CIAPIN1: variants seen among roughly 807,000 people sequenced by gnomAD.
CIAPIN1 encodes cytokine induced apoptosis inhibitor 1, also known as anamorsin.
A neutral mutation model predicts 34.3 loss-of-function variants in CIAPIN1; 18 were observed. The observed-to-expected ratio is 0.52, with a 90% CI of 0.36 to 0.78. The LOEUF is 0.78. Ranked by LOEUF, CIAPIN1 falls within the 30% of genes least tolerant of loss-of-function variation. The pLI is 0.00. For missense variants in CIAPIN1, 310 were observed against 372.5 expected (o/e 0.83, Z 1.38); for synonymous variants, 131 against 140.4 (o/e 0.93, Z 0.47).
intron 1 of CIAPIN1, among the ~76,000 whole-genome samples, chr16:57,442,382 T>C (rs1434975889): frequency 6.6e-6 from 1 of 152,006 alleles, no homozygotes; most frequent in Non-Finnish European, 1.5e-5. Flanking sequence ...AAATTATAGC[T>C]GGGCGTGGTG....
At position 57,429,784 on chromosome 16, in the gene CIAPIN1, A is replaced by G. The variant is rs375319795; in HGVS notation, c.828+474T>C. Among the ~76,000 whole-genome samples, 513 of 140,926 alleles carry G rather than the reference A, an allele frequency of 3.6e-3. 4 individuals carry two copies. Among genetic ancestry groups the G allele is most frequent in the East Asian group, 0.013 (62 of 4,904 alleles). 92.5% of individuals were successfully genotyped at this position (140,926 alleles called of 152,430 possible). A position where few individuals can be genotyped will look rare whatever the true frequency, so the allele number is the denominator to read the frequency against. ...TGGGATTACAGGCGTGAGCCACCGCACCCGGCCTTTTTTTTTTTTTGAGAT... is the reference window on the plus strand; with the variant it reads ...TGGGATTACAGGCGTGAGCCACCGCGCCCGGCCTTTTTTTTTTTTTGAGAT... On this transcript the variant is annotated intron_variant, in intron 8 of 8. Transcript: ENST00000394391.
At chr16:57,439,146 C>G (rs1365008152) in intron 3 of CIAPIN1, 36 bp downstream of exon 3, 1 of 1,610,430 alleles carries the variant, frequency 6.2e-7, no homozygotes, top group South Asian at 1.1e-5. Context: ...AGACTCAACC[C>G]TGTCAAACAT....
intron 8 of CIAPIN1, among the ~76,000 whole-genome samples, chr16:57,429,959 T>C (rs1451227106): frequency 6.6e-6 from 1 of 152,140 alleles, no homozygotes; most frequent in Non-Finnish European, 1.5e-5. Flanking sequence ...TTCTATATTC[T>C]ATGCAGTTCA....
chr16:57,431,260 T>A lies in CIAPIN1; in HGVS notation c.637A>T (p.Ile213Phe). ...NDMEDDSMDLIDSDELLDPED... is the reference protein window; with the variant it reads ...NDMEDDSMDLFDSDELLDPED... ...GGATCCAGCAGCTCATCTGAGTCAA[T>A]GAGATCCTGGAGAGTGTTCAAAGCA... Residue 213 changes from isoleucine to phenylalanine, a missense_variant, in exon 7 of 9, where the codon ATT becomes TTT. Ile to Phe is a conservative substitution (Grantham distance 21, BLOSUM62 0). Coordinates refer to ENST00000394391, the MANE Select transcript of CIAPIN1 (RefSeq NM_020313.4). 1 of 1,604,692 alleles carries A rather than the reference T, an allele frequency of 6.2e-7. No individual in the cohort carries two copies. The highest frequency in any genetic ancestry group is 8.5e-7 in the Non-Finnish European group (1 of 1,171,750).
chr16:57,432,422 A>G (rs1903108064), intron 6 of CIAPIN1, 65 bp downstream of exon 6: 1 of 1,407,938 alleles, frequency 7.1e-7, no homozygotes, highest in Non-Finnish European at 1.0e-6. Context: ...AAAGGTCACT[A>G]TAGCTGTTCA....
intron 1 of CIAPIN1, among the ~76,000 whole-genome samples, chr16:57,442,407 T>A (rs1380903713): frequency 6.6e-6 from 1 of 151,654 alleles, no homozygotes; most frequent in African/African-American, 2.4e-5. Flanking sequence ...ATGCCTATTA[T>A]CCCAGCACCT....
intron 3 of CIAPIN1, among the ~76,000 whole-genome samples, chr16:57,438,899 G>GC (rs1245530995): frequency 6.6e-6 from 1 of 152,084 alleles, no homozygotes; most frequent in African/African-American, 2.4e-5. Context: ...TTTTATTGCT[G>GC]CATCACTTTC....
intron 1 of CIAPIN1, among the ~76,000 whole-genome samples, chr16:57,444,777 T>C (rs1433918258): frequency 6.6e-6 from 1 of 152,256 alleles, no homozygotes; most frequent in East Asian, 1.9e-4. Context: ...ATACTTTTCA[T>C]CATCAGAATT....
At position 57,428,261 on chromosome 16, in the gene CIAPIN1, A is replaced by G. The variant is rs1902998596; in HGVS notation, c.*909T>C. ...TTAAATCCACACAATCTCTCCAAAT[A>G]TTTGGCAAGATTGATTCCAAGTCCA... is the stretch of plus-strand genomic sequence containing the variant. On this transcript the variant is annotated 3_prime_UTR_variant, in exon 9 of 9. Transcript: ENST00000394391. 2 of 152,202 alleles carry G rather than the reference A, an allele frequency of 1.3e-5. No individual in the cohort carries two copies. Among genetic ancestry groups the G allele is most frequent in the African/African-American group, 4.8e-5 (2 of 41,444 alleles). The allele number at this position is 152,202 out of a possible 1,614,324, so 9.4% of individuals were successfully genotyped here.
chr16:57,441,157 C>T, intron 1 of CIAPIN1, 174 bp from the exon 2 acceptor site: 1 of 348,408 alleles, frequency 2.9e-6, no homozygotes, highest in Non-Finnish European at 5.2e-6. Flanking sequence ...ATAAGCCCAA[C>T]ATTCCCAAAG....
At chr16:57,436,295 T>C (rs982182531) in intron 4 of CIAPIN1, among the ~76,000 whole-genome samples, 20 of 152,222 alleles carry the variant, frequency 1.3e-4, no homozygotes, top group Non-Finnish European at 2.8e-4. Context: ...TGGCGTGATC[T>C]CGGCTCACTG....
At chr16:57,434,867 T>A (rs1242385240) in intron 4 of CIAPIN1, among the ~76,000 whole-genome samples, 1 of 152,234 alleles carries the variant, frequency 6.6e-6, no homozygotes, top group Non-Finnish European at 1.5e-5. Context: ...TGCATGTAGA[T>A]GCTTGTAAAT....
intron 3 of CIAPIN1, among the ~76,000 whole-genome samples, chr16:57,438,908 T>G (rs1490389188): frequency 6.6e-6 from 1 of 152,208 alleles, no homozygotes; most frequent in Non-Finnish European, 1.5e-5. Context: ...TGCATCACTT[T>G]CCATATTATG....
chr16:57,429,544 T>G (rs1313269849), intron 8 of CIAPIN1, among the ~76,000 whole-genome samples: 1 of 151,882 alleles, frequency 6.6e-6, no homozygotes, highest in Non-Finnish European at 1.5e-5. Flanking sequence ...CAGGCTGGAG[T>G]GCAGTGGCGC....
intron 1 of CIAPIN1, among the ~76,000 whole-genome samples, chr16:57,442,324 G>A (rs759864792): frequency 6.6e-6 from 1 of 151,984 alleles, no homozygotes; most frequent in Non-Finnish European, 1.5e-5. Context: ...CCAGCCTGGT[G>A]ACAGAGCGAG....
chr16:57,429,539 T>G (rs531960608), intron 8 of CIAPIN1, among the ~76,000 whole-genome samples: 9 of 152,098 alleles, frequency 5.9e-5, no homozygotes, highest in Non-Finnish European at 1.3e-4. Flanking sequence ...TCACCCAGGC[T>G]GGAGTGCAGT....
At chr16:57,442,720 A>G (rs2029895800) in intron 1 of CIAPIN1, among the ~76,000 whole-genome samples, 1 of 152,208 alleles carries the variant, frequency 6.6e-6, no homozygotes, top group Non-Finnish European at 1.5e-5. Context: ...CTCTTTGCCT[A>G]CAAAACATAC....
chr16:57,446,307 G>A (rs1264567052), intron 1 of CIAPIN1, among the ~76,000 whole-genome samples: 1 of 152,194 alleles, frequency 6.6e-6, no homozygotes, highest in African/African-American at 2.4e-5. Flanking sequence ...CTTATGGAGA[G>A]GAGTGTTTTA....
intron 3 of CIAPIN1, 102 bp from the exon 4 acceptor site, chr16:57,436,834 AC>A (rs1903211867): frequency 1.3e-6 from 1 of 797,938 alleles, no homozygotes; most frequent in East Asian, 3.4e-5. Flanking sequence ...AACAATAATA[AC>A]CAGGTGGGCG....
Sources: allele counts gnomAD v4.1 joint callset (sites outside exome capture counted in the v4.1 genomes callset), GRCh38; gene constraint gnomAD v4.1.1; transcripts MANE v1.5; gene names NCBI Gene and HGNC (gene_info 2026-07-23, HGNC 2026-07-21).